Variants in ZNF521 observed in about 807,000 individuals in gnomAD.
The protein encoded by ZNF521 is LYST-interacting protein 3.
A neutral mutation model predicts 105.5 loss-of-function variants in ZNF521; 14 were observed. That is an observed-to-expected ratio of 0.13 (90% CI 0.09 to 0.21). The LOEUF is 0.21. Among genes scored for constraint, ZNF521 ranks in the 10% least tolerant of loss-of-function variants. The pLI is 1.00. For missense variants in ZNF521, 1,233 were observed against 1,629.7 expected, an observed-to-expected ratio of 0.76 and a Z score of 4.19; for synonymous variants, 635 against 606.0, an observed-to-expected ratio of 1.05 and a Z score of -0.70.
At chr18:25,218,827 A>G (rs1165244466) in intron 4 of ZNF521, among the ~76,000 whole-genome samples, 4 of 152,126 alleles carry the variant, frequency 2.6e-5, no homozygotes. Context: ...CAGCCTGGGC[A>G]ACAAGAGTGA....
chr18:25,186,916 A>AG lies in ZNF521; in HGVS notation c.3658+8243_3658+8244insC, dbSNP rs891404936. ...AATAAAGTAATGCTAAAAAAAAAAAAAAAAAGAAAAAGAAAGAAAAAGAAG... is the reference window on the plus strand; with the variant it reads ...AATAAAGTAATGCTAAAAAAAAAAAAGAAAAAGAAAAAGAAAGAAAAAGAAG... On this transcript the variant is annotated intron_variant, in intron 5 of 7. Transcript: ENST00000361524. Among the ~76,000 whole-genome samples the AG allele has an allele frequency of 5.4e-5, 8 of 148,974 alleles. No homozygotes were observed. In the South Asian group the frequency reaches 6.5e-4, roughly 12 times the overall value.
chr18:25,065,113 C>T (rs577476447), intron 7 of ZNF521, among the ~76,000 whole-genome samples: 2 of 152,286 alleles, frequency 1.3e-5, no homozygotes, highest in South Asian at 2.1e-4. Flanking sequence ...ACTCAAAATA[C>T]ACCACATCTA....
intron 4 of ZNF521, among the ~76,000 whole-genome samples, chr18:25,220,862 C>T (rs28553495): frequency 0.053 from 8,113 of 152,216 alleles, 447 homozygotes; most frequent in African/African-American, 0.14. Flanking sequence ...GATGGGGCAG[C>T]CCCTGAGTAG....
chr18:25,294,853 CAAAAAAAAA>C (rs34529787), intron 3 of ZNF521, among the ~76,000 whole-genome samples: 12 of 59,524 alleles, frequency 2.0e-4, no homozygotes, highest in East Asian at 7.3e-4. Flanking sequence ...GATTCTGTCT[CAAAAAAAAA>C]AAAAAAAAAA....
chr18:25,262,469 G>T (rs1362966687), intron 3 of ZNF521, among the ~76,000 whole-genome samples: 1 of 152,062 alleles, frequency 6.6e-6, no homozygotes, highest in African/African-American at 2.4e-5. Context: ...AAAACATCTG[G>T]GAAGATTAAC....
intron 5 of ZNF521, among the ~76,000 whole-genome samples, chr18:25,156,831 G>A (rs1328104385): frequency 6.6e-6 from 1 of 152,154 alleles, no homozygotes; most frequent in African/African-American, 2.4e-5. Context: ...AACGTGAAGA[G>A]TTCTTAGAAA....
At chr18:25,178,660 C>T (rs1375670559) in intron 5 of ZNF521, among the ~76,000 whole-genome samples, 1 of 152,112 alleles carries the variant, frequency 6.6e-6, no homozygotes, top group Admixed American at 6.5e-5. Context: ...AAGAGAATAC[C>T]TAGGCTAAGT....
intron 5 of ZNF521, among the ~76,000 whole-genome samples, chr18:25,141,694 A>G (rs1365664921): frequency 6.6e-6 from 1 of 152,048 alleles, no homozygotes; most frequent in Non-Finnish European, 1.5e-5. Flanking sequence ...GAGAGTGTTT[A>G]TTGTCCACAG....
At chr18:25,165,895 C>T (rs1600109317) in intron 5 of ZNF521, among the ~76,000 whole-genome samples, 1 of 152,278 alleles carries the variant, frequency 6.6e-6, no homozygotes, top group East Asian at 1.9e-4. Context: ...ACGCTGGGCT[C>T]TTCCTTATCA....
intron 3 of ZNF521, among the ~76,000 whole-genome samples, chr18:25,309,747 C>A (rs1281646945): frequency 6.6e-6 from 1 of 151,970 alleles, no homozygotes; most frequent in Non-Finnish European, 1.5e-5. Context: ...AGTCTGTCAA[C>A]CTGATAATTT....
At chr18:25,325,668 A>T (rs1182937173) in intron 2 of ZNF521, among the ~76,000 whole-genome samples, 1 of 152,194 alleles carries the variant, frequency 6.6e-6, no homozygotes, top group Non-Finnish European at 1.5e-5. Flanking sequence ...CATTCAGCAC[A>T]AATGATCTCA....
At chr18:25,101,661 C>A (rs2033967700) in intron 5 of ZNF521, among the ~76,000 whole-genome samples, 1 of 152,026 alleles carries the variant, frequency 6.6e-6, no homozygotes, top group Non-Finnish European at 1.5e-5. Flanking sequence ...ACTGAAAGGG[C>A]AGCAAATCAA....
At chr18:25,198,721 A>C (rs1436462316) in intron 4 of ZNF521, among the ~76,000 whole-genome samples, 2 of 151,924 alleles carry the variant, frequency 1.3e-5, no homozygotes, top group Non-Finnish European at 2.9e-5. Flanking sequence ...TTAAGGAGGA[A>C]GTGTAGGTCG....
At chr18:25,261,721 C>T (rs1180438007) in intron 3 of ZNF521, among the ~76,000 whole-genome samples, 2 of 151,826 alleles carry the variant, frequency 1.3e-5, no homozygotes, top group Admixed American at 6.6e-5. Flanking sequence ...TGTCCAGTCT[C>T]GGAAACAGTG....
rs1405310516 is a variant in ZNF521 at position 25,089,610 on chromosome 18, G to T, written c.3791-30C>A. The T allele has an allele frequency of 1.9e-6, 3 of 1,584,382 alleles. No individual in the cohort carries two copies. In the African/African-American group the frequency reaches 4.0e-5, roughly 21 times the overall value. On this transcript the variant is annotated intron_variant, in intron 6 of 7. Transcript: ENST00000361524. ...AATGATAAAAGAATGATGAACTTGG[G>T]TTATTTTGTTTCCGAAATGCCCTCA...
At chr18:25,218,474 G>A (rs1905477811) in intron 4 of ZNF521, among the ~76,000 whole-genome samples, 1 of 124,016 alleles carries the variant, frequency 8.1e-6, no homozygotes, top group Non-Finnish European at 1.6e-5. Context: ...ATGAGACCTC[G>A]AGCCTACTAA....
At chr18:25,199,718 T>G (rs2035960143) in intron 4 of ZNF521, among the ~76,000 whole-genome samples, 1 of 152,054 alleles carries the variant, frequency 6.6e-6, no homozygotes, top group African/African-American at 2.4e-5. Context: ...TAACATGTAG[T>G]TTTTAGAAGC....
chr18:25,349,771 T>TCGGCGGGACC (rs1281239609), intron 2 of ZNF521, among the ~76,000 whole-genome samples: 5 of 150,402 alleles, frequency 3.3e-5, no homozygotes, highest in African/African-American at 4.9e-5. Flanking sequence ...CGCGCGGACC[T>TCGGCGGGACC]CGGCGGGACC....
chr18:25,241,486 C>A (rs1417096792), intron 3 of ZNF521, among the ~76,000 whole-genome samples: 1 of 152,016 alleles, frequency 6.6e-6, no homozygotes, highest in Admixed American at 6.6e-5. Flanking sequence ...CAAACATGCT[C>A]GCTGATTTTT....
Sources: allele counts gnomAD v4.1 joint callset (sites outside exome capture counted in the v4.1 genomes callset), GRCh38; gene constraint gnomAD v4.1.1; transcripts MANE v1.5; gene names NCBI Gene and HGNC (gene_info 2026-07-23, HGNC 2026-07-21).